ADGRG4: variants seen among roughly 807,000 people sequenced by gnomAD.
The protein encoded by ADGRG4 is adhesion G protein-coupled receptor G4.
A neutral mutation model predicts 126.2 loss-of-function variants in ADGRG4; 122 were observed. The ratio of observed to expected loss-of-function variants is 0.97; its 90% CI spans 0.83 to 1.12. The LOEUF is 1.12. Ranked by LOEUF, ADGRG4 falls within the 50% of genes most tolerant of loss-of-function variation. The pLI is 0.00. For synonymous variants in ADGRG4, 943 were observed against 838.7 expected (o/e 1.12, Z -2.15); for missense variants, 2,481 against 2,251.8 (o/e 1.10, Z -2.06).
chrX:136,412,327 C>T lies in ADGRG4; in HGVS notation c.8998C>T (p.His3000Tyr), dbSNP rs1569340478. 1 of 1,198,338 alleles carries T rather than the reference C, an allele frequency of 8.3e-7. No homozygotes were observed. The highest frequency in any genetic ancestry group is 1.1e-6 in the Non-Finnish European group (1 of 883,048). The change falls in exon 24 of 26, where the codon CAC becomes TAC. Residue 3000 changes from histidine to tyrosine, a missense_variant. Physicochemically the swap from His to Tyr is moderately conservative, Grantham distance 83. Coordinates refer to ENST00000394143, the MANE Select transcript of ADGRG4 (RefSeq NM_153834.4). ...GAGTGTGCGGGAGCAGTGGCAGATA[C>T]ACCTCTGCTGTGGGTGGTTGCGATT... ...KESVREQWQI[H>Y]LCCGWLRLDN...
chrX:136,338,912 A>T (rs2074963529), intron 5 of ADGRG4, among the ~76,000 whole-genome samples: 1 of 111,605 alleles, frequency 9.0e-6, no homozygotes, highest in African/African-American at 3.3e-5. Context: ...TCCAAATACA[A>T]CTTAATTTTT....
At chrX:136,388,157 G>A (rs1468930014) in intron 16 of ADGRG4, among the ~76,000 whole-genome samples, 1 of 112,088 alleles carries the variant, frequency 8.9e-6, no homozygotes, top group Non-Finnish European at 1.9e-5. Flanking sequence ...AAAGAACAGC[G>A]AGTTCTCCTG....
At chrX:136,389,893 G>C (rs2075310636) in intron 16 of ADGRG4, among the ~76,000 whole-genome samples, 1 of 111,865 alleles carries the variant, frequency 8.9e-6, no homozygotes, top group African/African-American at 3.3e-5. Flanking sequence ...TGTGCCACTG[G>C]TTATTGGGGA....
At chrX:136,373,120 C>A in intron 15 of ADGRG4, 56 bp downstream of exon 15, 1 of 1,035,098 alleles carries the variant, frequency 9.7e-7, no homozygotes, top group South Asian at 2.3e-5. Context: ...TTCAGGTCTT[C>A]ATTCATTTAC....
rs1297697538 is a variant in ADGRG4 at position 136,347,887 on chromosome X, T to C, written c.4181T>C (p.Val1394Ala). 2 of 1,209,019 alleles carry C rather than the reference T, an allele frequency of 1.7e-6. No individual in the cohort carries two copies. Among genetic ancestry groups the C allele is most frequent in the African/African-American group, 3.5e-5 (2 of 57,189 alleles). Reference sequence around the variant, plus strand: ...CTTCCAGCATATACTCCCAGGACTGTGGAAATGATAGTAAACTCCACCTAT... The same window carrying C: ...CTTCCAGCATATACTCCCAGGACTGCGGAAATGATAGTAAACTCCACCTAT... ...SALPAYTPRT[V>A]EMIVNSTYVT... Residue 1394 changes from valine (V) to alanine (A), a missense_variant, in exon 6 of 26, where the codon GTG becomes GCG. Val to Ala is a moderately conservative substitution (Grantham distance 64). Transcript: ENST00000394143.
chrX:136,340,662 T>C (rs1213781649), intron 5 of ADGRG4, among the ~76,000 whole-genome samples: 1 of 111,231 alleles, frequency 9.0e-6, no homozygotes, highest in African/African-American at 3.3e-5. Flanking sequence ...CCATATAAAT[T>C]GAGGGCATAC....
chrX:136,362,761 C>A lies in ADGRG4; in HGVS notation c.7278-716C>A, dbSNP rs17002468. 8.6e-3 allele frequency among the ~76,000 whole-genome samples: 963 copies of A among 111,963 alleles called. 8 individuals are homozygous for A. The highest frequency in any genetic ancestry group is 0.03 in the African/African-American group (914 of 30,821). On this transcript the variant is annotated intron_variant, in intron 12 of 25. Coordinates refer to ENST00000394143, the MANE Select transcript of ADGRG4 (RefSeq NM_153834.4). ...TCTGTCCTTTCAGCACACAGCTCAG[C>A]TCAAATGCTGAAAGTAACGTCTCTT...
At position 136,348,467 on chromosome X, in the gene ADGRG4, A is replaced by G. The variant is rs1334549940; in HGVS notation, c.4761A>G (p.Leu1587=). 4 of 1,209,744 alleles carry G rather than the reference A, an allele frequency of 3.3e-6. No individual in the cohort carries two copies. Among genetic ancestry groups the G allele is most frequent in the Non-Finnish European group, 4.5e-6 (4 of 893,871 alleles). ...VSSDTSTRVG[L]FSTLLSSVTP... is the part of the protein sequence containing the mutation. Reference sequence around the variant, plus strand: ...CTGACACTTCCACAAGAGTTGGGTTATTCTCTACTTTATTGTCTTCAGTTA... The same window carrying G: ...CTGACACTTCCACAAGAGTTGGGTTGTTCTCTACTTTATTGTCTTCAGTTA... Residue 1587 remains leucine, a synonymous_variant, in exon 6 of 26, where the codon TTA becomes TTG. Transcript: ENST00000394143.
intron 25 of ADGRG4, among the ~76,000 whole-genome samples, chrX:136,416,068 C>T (rs1046694638): frequency 8.9e-6 from 1 of 111,982 alleles, no homozygotes; most frequent in African/African-American, 3.3e-5. Flanking sequence ...CATTCTCAAG[C>T]TTGAGAAATA....
chrX:136,393,470 G>A (rs901112932), intron 17 of ADGRG4, 65 bp from the exon 18 acceptor site: 1 of 926,908 alleles, frequency 1.1e-6, no homozygotes, highest in Non-Finnish European at 1.5e-6. Context: ...ACACTTATGT[G>A]TATATGTTAC....
intron 16 of ADGRG4, among the ~76,000 whole-genome samples, chrX:136,391,940 T>A (rs1452623614): frequency 2.7e-5 from 3 of 112,445 alleles, no homozygotes; most frequent in African/African-American, 9.7e-5. Context: ...TAGAGAATAG[T>A]TTCATTTTGT....
intron 12 of ADGRG4, among the ~76,000 whole-genome samples, chrX:136,362,485 T>C (rs886870849): frequency 1.3e-4 from 15 of 112,056 alleles, no homozygotes; most frequent in Non-Finnish European, 2.8e-4. Context: ...TCCTGAAGTA[T>C]GGCTGCTATC....
rs946633612 is a variant in ADGRG4, at chrX:136,362,434, G to A, written c.7277+847G>A. Among the ~76,000 whole-genome samples, 4 of 111,055 alleles carry A rather than the reference G, an allele frequency of 3.6e-5. No homozygotes were observed. The East Asian group carries it at 1.1e-3, about 32-fold the overall frequency. On this transcript the variant is annotated intron_variant, in intron 12 of 25. Coordinates refer to ENST00000394143, the MANE Select transcript of ADGRG4 (RefSeq NM_153834.4). ...TCTAACTTAACAGTATCCCTTACCC[G>A]CCTCCGCCAACTATATTCTACACTG...
chrX:136,344,493 A>G lies in ADGRG4; in HGVS notation c.787A>G (p.Thr263Ala), dbSNP rs775584781. 2.5e-6 allele frequency: 3 copies of G among 1,203,539 alleles called. No individual in the cohort carries two copies. The African/African-American group carries it at 5.3e-5, about 21-fold the overall frequency. The change falls in exon 6 of 26, where the codon ACT becomes GCT. Residue 263 changes from threonine to alanine, a missense_variant. Transcript: ENST00000394143. ...SQITGVKPQN[T>A]AHSSTLLSQS... Reference sequence around the variant, plus strand: ...AATTACTGGAGTAAAACCACAAAATACTGCACATTCCTCTACACTATTGTC... The same window carrying G: ...AATTACTGGAGTAAAACCACAAAATGCTGCACATTCCTCTACACTATTGTC...
At chrX:136,380,571 T>C (rs868617988) in intron 15 of ADGRG4, among the ~76,000 whole-genome samples, 2 of 88,362 alleles carry the variant, frequency 2.3e-5, no homozygotes, top group Non-Finnish European at 4.6e-5. Context: ...CTTCTTCCTC[T>C]TCTTCTTCCT....
At chrX:136,381,752 C>T (rs374025686) in intron 15 of ADGRG4, among the ~76,000 whole-genome samples, 3 of 110,567 alleles carry the variant, frequency 2.7e-5, no homozygotes, top group African/African-American at 9.9e-5. Context: ...CTTACATGAT[C>T]ACAAGGTCCC....
chrX:136,388,834 G>A (rs2075305112), intron 16 of ADGRG4, among the ~76,000 whole-genome samples: 2 of 111,867 alleles, frequency 1.8e-5, no homozygotes, highest in Admixed American at 9.5e-5. Flanking sequence ...TTTTTCCCAA[G>A]GCCACATACC....
chrX:136,305,667 G>C (rs183550194), intron 3 of ADGRG4, among the ~76,000 whole-genome samples: 2 of 112,397 alleles, frequency 1.8e-5, no homozygotes, highest in Non-Finnish European at 3.8e-5. Context: ...ATGTGAATAT[G>C]TTCATGCCTC....
intron 17 of ADGRG4, among the ~76,000 whole-genome samples, chrX:136,393,237 G>A (rs1332538203): frequency 8.9e-6 from 1 of 111,898 alleles, no homozygotes; most frequent in Non-Finnish European, 1.9e-5. Flanking sequence ...ACTATCCATA[G>A]CCTTGTACCA....
Sources: allele counts gnomAD v4.1 joint callset (sites outside exome capture counted in the v4.1 genomes callset), GRCh38; gene constraint gnomAD v4.1.1; transcripts MANE v1.5; gene names NCBI Gene and HGNC (gene_info 2026-07-23, HGNC 2026-07-21).